CDYL2: variants seen among roughly 807,000 people sequenced by gnomAD.
The protein encoded by CDYL2 is chromodomain Y like 2.
CDYL2 carries 23 observed loss-of-function variants against 49.4 expected under a neutral mutation model. That is an observed-to-expected ratio of 0.47 (90% CI 0.34 to 0.66). CDYL2 has a LOEUF of 0.66. CDYL2 is among the 30% of genes least tolerant of loss of function. The pLI, the probability that CDYL2 is intolerant of heterozygous loss-of-function variation, is 0.01. For missense variants in CDYL2, 678 were observed against 656.4 expected (o/e 1.03, Z -0.36); for synonymous variants, 360 against 268.8 (o/e 1.34, Z -3.32).
chr16:80,686,119 G>T (rs1910180445), intron 1 of CDYL2, among the ~76,000 whole-genome samples: 1 of 152,166 alleles, frequency 6.6e-6, no homozygotes, highest in African/African-American at 2.4e-5. Flanking sequence ...ATACTGGTGG[G>T]ATTTGAACCT....
chr16:80,711,925 C>A (rs974467286), intron 1 of CDYL2, among the ~76,000 whole-genome samples: 1 of 151,306 alleles, frequency 6.6e-6, no homozygotes, highest in Admixed American at 6.6e-5. Flanking sequence ...ATCCAACCGA[C>A]AGGGGAGAAG....
intron 1 of CDYL2, among the ~76,000 whole-genome samples, chr16:80,800,193 T>C (rs373848680): frequency 3.2e-4 from 48 of 152,362 alleles, no homozygotes; most frequent in African/African-American, 1.1e-3. Context: ...AGAACCACTA[T>C]GCTTTCCACT....
chr16:80,710,276 C>G (rs1904550879), intron 1 of CDYL2, among the ~76,000 whole-genome samples: 1 of 152,188 alleles, frequency 6.6e-6, no homozygotes. Context: ...GCAGAACTTA[C>G]TGCTAAATGT....
At chr16:80,744,099 T>TAA (rs1905844154) in intron 1 of CDYL2, among the ~76,000 whole-genome samples, 1 of 152,090 alleles carries the variant, frequency 6.6e-6, no homozygotes, top group Non-Finnish European at 1.5e-5. Context: ...GTTTGGAAAA[T>TAA]AAAGAAACTG....
chr16:80,613,390 A>C (rs1436384153), intron 4 of CDYL2, among the ~76,000 whole-genome samples: 2 of 152,144 alleles, frequency 1.3e-5, no homozygotes, highest in Admixed American at 1.3e-4. Flanking sequence ...GAGGGACTTC[A>C]AGCTTCAGAT....
intron 2 of CDYL2, among the ~76,000 whole-genome samples, chr16:80,655,934 C>G (rs1350822747): frequency 6.6e-6 from 1 of 152,142 alleles, no homozygotes; most frequent in African/African-American, 2.4e-5. Context: ...CTGTGAGAAA[C>G]AGAACATGTT....
intron 2 of CDYL2, among the ~76,000 whole-genome samples, chr16:80,634,481 C>A (rs1408015477): frequency 6.6e-6 from 1 of 152,130 alleles, no homozygotes; most frequent in African/African-American, 2.4e-5. Context: ...GAACATCACA[C>A]ACCAGGGCCT....
At chr16:80,779,572 C>A (rs928440591) in intron 1 of CDYL2, among the ~76,000 whole-genome samples, 1 of 151,850 alleles carries the variant, frequency 6.6e-6, no homozygotes. Context: ...AAAGCTTATA[C>A]CCCTGTTTAA....
At chr16:80,639,647 C>G (rs1907992518) in intron 2 of CDYL2, 1 of 454,194 alleles carries the variant, frequency 2.2e-6, no homozygotes. Flanking sequence ...TTCATAAGAA[C>G]AAAAAATCAG....
At chr16:80,648,977 T>C (rs1010037634) in intron 2 of CDYL2, among the ~76,000 whole-genome samples, 1 of 152,070 alleles carries the variant, frequency 6.6e-6, no homozygotes, top group Non-Finnish European at 1.5e-5. Flanking sequence ...AAAACTGGTA[T>C]AGAAGGAATA....
In CDYL2 at chr16:80,682,491, C is replaced by T. The variant is rs78334652; in HGVS notation, c.616+2047G>A. On this transcript the variant is annotated intron_variant, in intron 2 of 6. Transcript: ENST00000570137. ...CACAGAGCTCGCAGCTCTGCCTCAC[C>T]GCAGAAGATTGCACAGCACAAGAGG... Among the ~76,000 whole-genome samples, 1,153 of 152,290 alleles carry T rather than the reference C, an allele frequency of 7.6e-3. 21 individuals are homozygous for T. Among genetic ancestry groups the T allele is most frequent in the African/African-American group, 0.026 (1,078 of 41,560 alleles).
At chr16:80,689,592 G>C (rs1910330428) in intron 1 of CDYL2, among the ~76,000 whole-genome samples, 1 of 152,170 alleles carries the variant, frequency 6.6e-6, no homozygotes, top group Non-Finnish European at 1.5e-5. Context: ...GAAGCTATTA[G>C]AACAGGGCAG....
rs75914279 is a variant in CDYL2, at chr16:80,684,722, C to T, written c.432G>A (p.Leu144=). The part of the protein sequence containing the change: ...TVSYRTTPSG[L]QIMPLKKSQN... ...GAGACTTTTTCAGGGGCATTATTTGCAAACCACTGGGGGTAGTCCTGTAAG... is the reference window on the plus strand; with the variant it reads ...GAGACTTTTTCAGGGGCATTATTTGTAAACCACTGGGGGTAGTCCTGTAAG... Residue 144 remains leucine, a synonymous_variant, in exon 2 of 7, where the codon TTG becomes TTA. Coordinates refer to ENST00000570137, the MANE Select transcript of CDYL2 (RefSeq NM_152342.4). 1,645 of 1,614,158 alleles carry T rather than the reference C, an allele frequency of 1.0e-3. 11 individuals are homozygous for T. The African/African-American group carries it at 0.018, about 18-fold the overall frequency.
At chr16:80,774,234 G>T (rs906626813) in intron 1 of CDYL2, among the ~76,000 whole-genome samples, 1 of 152,082 alleles carries the variant, frequency 6.6e-6, no homozygotes, top group South Asian at 2.1e-4. Flanking sequence ...TAAAAAGAAG[G>T]AAATTCTGTC....
chr16:80,776,015 T>C (rs1907070663), intron 1 of CDYL2, among the ~76,000 whole-genome samples: 1 of 151,950 alleles, frequency 6.6e-6, no homozygotes, highest in Admixed American at 6.6e-5. Context: ...CCTCTGGTCA[T>C]AATGCATAAA....
At position 80,601,669 on chromosome 16, in the gene CDYL2, T is replaced by A. The variant is rs149398394; in HGVS notation, c.*2719A>T. ...AAGTTACCTGGAATTCGCCTACACA[T>A]GATCAAAACAACTACCCAGAAAGTG... On this transcript the variant is annotated 3_prime_UTR_variant, in exon 7 of 7. Transcript: ENST00000570137. 1.3e-4 allele frequency: 20 copies of A among 152,274 alleles called. No homozygotes were observed. The East Asian group carries it at 3.7e-3, about 28-fold the overall frequency. 9.4% of individuals were successfully genotyped at this position (152,274 alleles called of 1,614,324 possible).
At chr16:80,664,207 A>C (rs980101467) in intron 2 of CDYL2, among the ~76,000 whole-genome samples, 3 of 152,068 alleles carry the variant, frequency 2.0e-5, no homozygotes, top group African/African-American at 7.2e-5. Context: ...CTCTTGCCCC[A>C]TAAACACCTT....
chr16:80,639,369 G>C (rs762970781), intron 2 of CDYL2, among the ~76,000 whole-genome samples: 9 of 152,184 alleles, frequency 5.9e-5, no homozygotes, highest in Non-Finnish European at 1.2e-4. Flanking sequence ...ATAATGATGT[G>C]AAATCTTATA....
intron 2 of CDYL2, among the ~76,000 whole-genome samples, chr16:80,665,674 C>T (rs1020136330): frequency 5.3e-5 from 8 of 152,032 alleles, no homozygotes; most frequent in African/African-American, 1.7e-4. Flanking sequence ...GGGAGGGAAT[C>T]GGGAAAGGAG....
Sources: allele counts gnomAD v4.1 joint callset (sites outside exome capture counted in the v4.1 genomes callset), GRCh38; gene constraint gnomAD v4.1.1; transcripts MANE v1.5; gene names NCBI Gene and HGNC (gene_info 2026-07-23, HGNC 2026-07-21).